Variants in NDUFA10 observed in about 807,000 individuals in gnomAD.
NDUFA10 encodes the protein NADH dehydrogenase [ubiquinone] 1 alpha subcomplex subunit 10, mitochondrial.
Under a neutral mutation model 47.8 loss-of-function variants are expected in NDUFA10, and 40 were observed. The observed-to-expected ratio is 0.84, with a 90% CI of 0.65 to 1.09. The LOEUF (loss-of-function observed/expected upper bound fraction) is 1.09, where lower values mean the gene tolerates loss of function less well. NDUFA10 is among the 50% of genes least tolerant of loss of function. NDUFA10 has a pLI of 0.00. For missense variants in NDUFA10, 413 were observed against 451.1 expected (o/e 0.92, Z 0.76); for synonymous variants, 183 against 172.2 (o/e 1.06, Z -0.49).
chr2:240,009,382 C>T (rs138974241), intron 6 of NDUFA10, among the ~76,000 whole-genome samples: 3 of 152,238 alleles, frequency 2.0e-5, no homozygotes, highest in Non-Finnish European at 4.4e-5. Flanking sequence ...GCGGGAATGG[C>T]CAAATGTTGG....
At chr2:239,936,037 G>T (rs1382043686) in intron 4 of NDUFA10, among the ~76,000 whole-genome samples, 1 of 152,214 alleles carries the variant, frequency 6.6e-6, no homozygotes, top group Admixed American at 6.5e-5. Flanking sequence ...GCTCCCCCAG[G>T]GCTGGGCAGC....
chr2:240,012,124 A>G (rs1407235441), intron 5 of NDUFA10: 1 of 227,410 alleles, frequency 4.4e-6, no homozygotes, highest in Non-Finnish European at 8.9e-6. Context: ...CATCTCTCCA[A>G]CTTGCTCGCC....
intron 4 of NDUFA10, among the ~76,000 whole-genome samples, chr2:239,905,813 A>AC (rs2106467784): frequency 1.5e-5 from 1 of 68,124 alleles, no homozygotes; most frequent in Non-Finnish European, 2.9e-5. Flanking sequence ...GGGGAGGGGA[A>AC]GGGAGGGGAG....
chr2:239,896,096 GC>G (rs1693391184), intron 4 of NDUFA10, among the ~76,000 whole-genome samples: 1 of 152,228 alleles, frequency 6.6e-6, no homozygotes, highest in African/African-American at 2.4e-5. Context: ...AGACTCAGTG[GC>G]AAACACACAC....
intron 6 of NDUFA10, among the ~76,000 whole-genome samples, chr2:240,010,736 GATTTT>G (rs1282230356): frequency 6.6e-6 from 1 of 152,028 alleles, no homozygotes; most frequent in Non-Finnish European, 1.5e-5. Flanking sequence ...ATTCACTTTT[GATTTT>G]ATTATTACCT....
chr2:239,982,786 G>T (rs969011676), intron 9 of NDUFA10, among the ~76,000 whole-genome samples: 1 of 152,214 alleles, frequency 6.6e-6, no homozygotes, highest in Non-Finnish European at 1.5e-5. Flanking sequence ...TCAAAAGAAG[G>T]AAAAGAGTTG....
chr2:239,898,169 G>A (rs565001759), intron 4 of NDUFA10, among the ~76,000 whole-genome samples: 1 of 152,192 alleles, frequency 6.6e-6, no homozygotes, highest in Non-Finnish European at 1.5e-5. Context: ...TCAGGGTTAC[G>A]CAGTCATGGG....
intron 9 of NDUFA10, among the ~76,000 whole-genome samples, chr2:239,975,875 C>T (rs1462006395): frequency 6.6e-6 from 1 of 152,166 alleles, no homozygotes. Flanking sequence ...CCCAGACCGT[C>T]GGTTCTGTAT....
chr2:239,995,906 T>C (rs539013958), intron 8 of NDUFA10, among the ~76,000 whole-genome samples: 71 of 152,322 alleles, frequency 4.7e-4, no homozygotes, highest in African/African-American at 1.4e-3. Flanking sequence ...TAATAAACTA[T>C]GTACCTAACA....
chr2:239,996,309 A>G (rs976578806), intron 8 of NDUFA10, among the ~76,000 whole-genome samples: 7 of 152,202 alleles, frequency 4.6e-5, no homozygotes, highest in Admixed American at 2.0e-4. Flanking sequence ...ACCTTAATAA[A>G]TGTAAATGGA....
chr2:240,024,239 T>C (rs74002093), intron 1 of NDUFA10, among the ~76,000 whole-genome samples: 18,042 of 152,318 alleles, frequency 0.12, 1,258 homozygotes, highest in South Asian at 0.16. Flanking sequence ...CTTCAATTGC[T>C]GAATGAATTG....
At chr2:240,020,187 G>A (rs1697561918) in intron 3 of NDUFA10, among the ~76,000 whole-genome samples, 1 of 152,218 alleles carries the variant, frequency 6.6e-6, no homozygotes, top group Non-Finnish European at 1.5e-5. Flanking sequence ...CACTCCCAGT[G>A]AAAACCACAT....
At chr2:239,996,008 C>T (rs111653939) in intron 8 of NDUFA10, among the ~76,000 whole-genome samples, 30 of 152,170 alleles carry the variant, frequency 2.0e-4, no homozygotes, top group Non-Finnish European at 3.8e-4. Context: ...ACCCAACTCT[C>T]AGTAACCGAC....
intron 9 of NDUFA10, among the ~76,000 whole-genome samples, chr2:239,972,303 G>T (rs1230324641): frequency 6.6e-6 from 1 of 151,960 alleles, no homozygotes; most frequent in African/African-American, 2.4e-5. Context: ...ATTGAGTGAG[G>T]GCCTGTGTAC....
Position 239,941,214 on chromosome 2 carries a change from G to GA in NDUFA10, c.295-45901dup, listed in dbSNP as rs1420915002. Among the ~76,000 whole-genome samples the GA allele has an allele frequency of 3.3e-5, 5 of 152,260 alleles. No homozygotes were observed. In the East Asian group the frequency reaches 9.6e-4, roughly 29 times the overall value. On this transcript the variant is annotated intron_variant, in intron 4 of 5. Coordinates refer to the NDUFA10 transcript ENST00000419408. ...ACGTTCCTTAAAAATGCAAACACAC[G>GA]AAACAACACATTATGTCAGAACATA...
At position 239,960,354 on chromosome 2, in the gene NDUFA10, C is replaced by T; in HGVS notation, c.*764G>A. 1.0e-6 allele frequency: 1 copy of T among 985,482 alleles called. No individual in the cohort carries two copies. Among genetic ancestry groups the T allele is most frequent in the South Asian group, 4.7e-5 (1 of 21,274 alleles). 61.0% of individuals were successfully genotyped at this position (985,482 alleles called of 1,614,324 possible). A position where few individuals can be genotyped will look rare whatever the true frequency, so the allele number is the denominator to read the frequency against. The stretch of plus-strand genomic sequence containing the variant: ...TTTCTCATTTCTCAGTTTTGACTGG[C>T]AACTTGATTTTCTGGGTAATAAAGA... On this transcript the variant is annotated 3_prime_UTR_variant, in exon 10 of 10. Coordinates refer to ENST00000252711, the MANE Select transcript of NDUFA10 (RefSeq NM_004544.4).
At chr2:239,961,335 T>C in intron 9 of NDUFA10, 149 bp from the exon 10 acceptor site, 2 of 1,494,234 alleles carry the variant, frequency 1.3e-6, no homozygotes, top group Non-Finnish European at 1.8e-6. Context: ...AGGTGTCTCC[T>C]GTGAGTGCAA....
At chr2:239,901,586 C>T (rs779529839) in intron 4 of NDUFA10, among the ~76,000 whole-genome samples, 8 of 151,890 alleles carry the variant, frequency 5.3e-5, no homozygotes, top group Admixed American at 1.3e-4. Flanking sequence ...ATACAACATC[C>T]ATTCTTCAGC....
chr2:240,019,424 C>G (rs886960192), intron 3 of NDUFA10, among the ~76,000 whole-genome samples: 4 of 152,088 alleles, frequency 2.6e-5, no homozygotes, highest in Non-Finnish European at 4.4e-5. Flanking sequence ...AAATAGGTTA[C>G]TATAGCACCA....
Sources: allele counts gnomAD v4.1 joint callset (sites outside exome capture counted in the v4.1 genomes callset), GRCh38; gene constraint gnomAD v4.1.1; transcripts MANE v1.5; gene names NCBI Gene and HGNC (gene_info 2026-07-23, HGNC 2026-07-21).